The following QTMAN variants were observed in gnomAD, a reference collection of about 807,000 sequenced individuals.
QTMAN encodes queuosine-tRNA mannosyltransferase.
At chr2:144,210,825 A>T in the QTMAN span, 1 of 152,184 alleles carries the variant, frequency 6.6e-6, no homozygotes, top group Non-Finnish European at 1.5e-5. Flanking sequence ...TGCTTACTTG[A>T]TCACATCGTA....
chr2:143,973,638 A>G, the QTMAN span, among the ~76,000 whole-genome samples: 2 of 151,998 alleles, frequency 1.3e-5, no homozygotes, highest in Non-Finnish European at 2.9e-5. Context: ...AAAATATAAA[A>G]ATTAGCCGGG....
At chr2:144,045,860 G>C in the QTMAN span, among the ~76,000 whole-genome samples, 5 of 152,206 alleles carry the variant, frequency 3.3e-5, no homozygotes, top group African/African-American at 1.2e-4. Context: ...GTAAGGCAAA[G>C]GGGGTTTTTG....
the QTMAN span, among the ~76,000 whole-genome samples, chr2:144,298,079 C>T: frequency 7.3e-5 from 11 of 150,640 alleles, no homozygotes; most frequent in South Asian, 4.2e-4. Flanking sequence ...AGTGCAATGG[C>T]GCGATCTCGG....
chr2:144,182,861 A>AATATATATATATTATATATATATTTTAT, the QTMAN span, among the ~76,000 whole-genome samples: 4 of 66,752 alleles, frequency 6.0e-5, no homozygotes, highest in African/African-American at 1.7e-4. Flanking sequence ...TTTTATATAT[A>AATATATATATATTATATATATATTTTAT]ATATATATAT....
the QTMAN span, among the ~76,000 whole-genome samples, chr2:144,129,685 C>T: frequency 1.3e-5 from 2 of 152,026 alleles, no homozygotes; most frequent in Non-Finnish European, 2.9e-5. Flanking sequence ...CATCATTCAT[C>T]ACCCATGTGG....
the QTMAN span, among the ~76,000 whole-genome samples, chr2:144,123,189 AAC>A: frequency 6.6e-6 from 1 of 152,138 alleles, no homozygotes; most frequent in Admixed American, 6.5e-5. Context: ...GCCATGGAAA[AAC>A]AGTGTCCAGC....
At chr2:144,054,885 T>C in the QTMAN span, among the ~76,000 whole-genome samples, 3 of 152,342 alleles carry the variant, frequency 2.0e-5, no homozygotes, top group East Asian at 5.8e-4. Flanking sequence ...TGTTGACAAG[T>C]GTGATATCCA....
chr2:144,133,393 T>TAATA, the QTMAN span, among the ~76,000 whole-genome samples: 4 of 59,324 alleles, frequency 6.7e-5, no homozygotes, highest in Non-Finnish European at 1.1e-4. Flanking sequence ...ATAATATATA[T>TAATA]TATATAAATA....
chr2:144,237,148 A>C, the QTMAN span: 1 of 152,148 alleles, frequency 6.6e-6, no homozygotes, highest in Non-Finnish European at 1.5e-5. Context: ...CAGGGTGACA[A>C]ACAAGTATAT....
the QTMAN span, among the ~76,000 whole-genome samples, chr2:143,974,285 T>C: frequency 1.3e-5 from 2 of 152,178 alleles, no homozygotes; most frequent in Non-Finnish European, 2.9e-5. Context: ...AATTTGATAA[T>C]GTAAATAATA....
chr2:144,302,515 C>T, the QTMAN span, among the ~76,000 whole-genome samples: 28 of 152,178 alleles, frequency 1.8e-4, no homozygotes, highest in African/African-American at 6.5e-4. Flanking sequence ...ACAGTGCACT[C>T]GTACCATAAA....
the QTMAN span, among the ~76,000 whole-genome samples, chr2:143,953,792 G>C: frequency 1.4e-4 from 22 of 151,838 alleles, no homozygotes; most frequent in East Asian, 4.2e-3. Flanking sequence ...TGACCAAAGG[G>C]GAAATTTATT....
the QTMAN span, among the ~76,000 whole-genome samples, chr2:144,258,894 G>A: frequency 6.6e-6 from 1 of 151,930 alleles, no homozygotes; most frequent in Admixed American, 6.6e-5. Context: ...ATCATGACAG[G>A]GTATGAATAA....
At chr2:144,116,629 C>T in the QTMAN span, among the ~76,000 whole-genome samples, 4 of 152,086 alleles carry the variant, frequency 2.6e-5, no homozygotes, top group Non-Finnish European at 4.4e-5. Flanking sequence ...TTCAGCTGTT[C>T]CACTCAACCT....
chr2:144,107,977 C>CA, the QTMAN span, among the ~76,000 whole-genome samples: 2 of 152,132 alleles, frequency 1.3e-5, no homozygotes, highest in Non-Finnish European at 2.9e-5. Context: ...CGTAATCCAG[C>CA]ATATAAACAG....
At chr2:144,243,137 T>C in the QTMAN span, among the ~76,000 whole-genome samples, 1 of 152,082 alleles carries the variant, frequency 6.6e-6, no homozygotes, top group African/African-American at 2.4e-5. Context: ...ACATCACTCA[T>C]TCCATTTTGT....
the QTMAN span, among the ~76,000 whole-genome samples, chr2:144,048,944 C>G: frequency 6.6e-6 from 1 of 152,202 alleles, no homozygotes; most frequent in Non-Finnish European, 1.5e-5. Flanking sequence ...AGTGGAGAGA[C>G]AGTTTGCCTA....
chr2:144,126,516 T>C, the QTMAN span, among the ~76,000 whole-genome samples: 1 of 152,022 alleles, frequency 6.6e-6, no homozygotes, highest in Non-Finnish European at 1.5e-5. Flanking sequence ...CAGTATGTAT[T>C]TGAGGGGATG....
At chr2:144,217,665 T>C in the QTMAN span, among the ~76,000 whole-genome samples, 224 of 152,254 alleles carry the variant, frequency 1.5e-3, no homozygotes, top group African/African-American at 4.8e-3. Context: ...CCTCTGAAGA[T>C]ATAACCCTTA....
Sources: gnomAD v4.1 joint callset for allele counts (sites outside exome capture counted in the v4.1 genomes callset) on GRCh38, gnomAD v4.1.1 for gene constraint, MANE v1.5 for transcripts, NCBI Gene and HGNC (gene_info 2026-07-23, HGNC 2026-07-21) for gene names.